The following SDK1 variants were observed in gnomAD, a reference collection of about 807,000 sequenced individuals.
The protein encoded by SDK1 is sidekick cell adhesion molecule 1, also known as protein sidekick-1.
SDK1 carries 157 observed loss-of-function variants against 245.5 expected under a neutral mutation model. That is an observed-to-expected ratio of 0.64 (90% CI 0.56 to 0.73). The LOEUF (loss-of-function observed/expected upper bound fraction) is 0.73, where lower values mean the gene tolerates loss of function less well. SDK1 is among the 30% of genes least tolerant of loss of function. The pLI, the probability that SDK1 is intolerant of heterozygous loss-of-function variation, is 0.00. For missense variants in SDK1, 3,583 were observed against 3,002.3 expected, an observed-to-expected ratio of 1.19 and a Z score of -4.52; for synonymous variants, 1,647 against 1,278.5, an observed-to-expected ratio of 1.29 and a Z score of -6.15.
chr7:3,595,779 G>C (rs1781035028), intron 1 of SDK1, among the ~76,000 whole-genome samples: 1 of 116,766 alleles, frequency 8.6e-6, no homozygotes, highest in African/African-American at 3.3e-5. Context: ...AGTGAGCCCA[G>C]ATAGTGCCAC....
At chr7:3,721,122 A>G (rs1307278317) in intron 4 of SDK1, among the ~76,000 whole-genome samples, 1 of 152,204 alleles carries the variant, frequency 6.6e-6, no homozygotes, top group Non-Finnish European at 1.5e-5. Context: ...GAGCAAGGGC[A>G]TGGGTGGGGC....
chr7:4,237,100 C>G (rs928727076), intron 41 of SDK1, among the ~76,000 whole-genome samples: 1 of 152,124 alleles, frequency 6.6e-6, no homozygotes, highest in Non-Finnish European at 1.5e-5. Context: ...CTATGTTGCC[C>G]AGGCTGGTCT....
intron 1 of SDK1, among the ~76,000 whole-genome samples, chr7:3,474,498 A>G (rs987994333): frequency 1.3e-5 from 2 of 151,938 alleles, no homozygotes; most frequent in Non-Finnish European, 2.9e-5. Context: ...CCTACCCTTG[A>G]CATGTTCATT....
At chr7:3,895,570 C>G (rs957167988) in intron 5 of SDK1, among the ~76,000 whole-genome samples, 3 of 152,220 alleles carry the variant, frequency 2.0e-5, no homozygotes, top group African/African-American at 7.2e-5. Flanking sequence ...ATGAGGAAGA[C>G]AAGAAGCAAC....
In SDK1 at chr7:3,569,025, T is replaced by G. The variant is rs140114074; in HGVS notation, c.299-50055T>G. ...GCATATGTTTTTTTTTTTTTTCTAG[T>G]AACTCATTACCATGAGTGGTTCTTG... On this transcript the variant is annotated intron_variant, in intron 1 of 44. Coordinates refer to ENST00000404826, the MANE Select transcript of SDK1 (RefSeq NM_152744.4). Among the ~76,000 whole-genome samples the G allele has an allele frequency of 8.8e-3, 1,315 of 150,278 alleles. 27 individuals carry two copies. The highest frequency in any genetic ancestry group is 0.03 in the African/African-American group (1,234 of 40,740).
At chr7:3,995,707 T>A (rs1784650223) in intron 14 of SDK1, among the ~76,000 whole-genome samples, 1 of 152,204 alleles carries the variant, frequency 6.6e-6, no homozygotes, top group Admixed American at 6.5e-5. Context: ...AGTTTGTGTT[T>A]CGACTGCTAG....
At chr7:3,617,985 G>A (rs974049376) in intron 1 of SDK1, among the ~76,000 whole-genome samples, 29 of 152,122 alleles carry the variant, frequency 1.9e-4, no homozygotes, top group African/African-American at 6.8e-4. Context: ...ATGAAAGTTA[G>A]AAAGCTGATT....
At chr7:3,601,874 G>C (rs1781265078) in intron 1 of SDK1, among the ~76,000 whole-genome samples, 2 of 135,566 alleles carry the variant, frequency 1.5e-5, no homozygotes, top group South Asian at 4.6e-4. Context: ...TCCCCTTCCT[G>C]TGTCCATGTG....
In SDK1 at chr7:3,882,645, G is replaced by A. The variant is rs73294609; in HGVS notation, c.847+61062G>A. ...GTGTAGAATGTAAATAGCATTGTTG[G>A]AGCGTGTTTCACCTCCTTCCATGAA... On this transcript the variant is annotated intron_variant, in intron 5 of 44. Transcript: ENST00000404826. 8.8e-3 allele frequency among the ~76,000 whole-genome samples: 1,335 copies of A among 152,182 alleles called. 19 individuals are homozygous for A. Among genetic ancestry groups the A allele is most frequent in the African/African-American group, 0.031 (1,276 of 41,510 alleles).
Position 3,324,517 on chromosome 7 carries a change from A to C in SDK1, c.298+22633A>C, listed in dbSNP as rs989765636. Among the ~76,000 whole-genome samples the C allele has an allele frequency of 1.2e-4, 18 of 152,238 alleles. 2 individuals carry two copies. The highest frequency in any genetic ancestry group is 8.5e-4 in the Admixed American group (13 of 15,294). On this transcript the variant is annotated intron_variant, in intron 1 of 44. Coordinates refer to ENST00000404826, the MANE Select transcript of SDK1 (RefSeq NM_152744.4). Reference sequence around the variant, plus strand: ...ATAAGAATAGGAGGTGGCTCTTGGAAGTTTGTTTGCTCCTGAGTATGGGAC... The same window carrying C: ...ATAAGAATAGGAGGTGGCTCTTGGACGTTTGTTTGCTCCTGAGTATGGGAC...
chr7:4,203,488 C>A (rs1180854136), intron 35 of SDK1, among the ~76,000 whole-genome samples: 12 of 151,760 alleles, frequency 7.9e-5, no homozygotes. Context: ...CCAGCAATTG[C>A]CGGTCTAAAA....
intron 28 of SDK1, among the ~76,000 whole-genome samples, chr7:4,139,901 C>A (rs1313414997): frequency 6.6e-6 from 1 of 152,100 alleles, no homozygotes; most frequent in Admixed American, 6.6e-5. Context: ...CAGGGAGAGT[C>A]CATCGATGGG....
In SDK1 at chr7:4,265,148, G is replaced by A. The variant is rs143917786; in HGVS notation, c.6406G>A (p.Ala2136Thr). The change falls in exon 45 of 45, where the codon GCG (alanine) becomes ACG (threonine). Residue 2136 changes from alanine (A) to threonine (T), a missense_variant. Transcript: ENST00000404826. The part of the protein sequence containing the change: ...SEATDSDYED[A>T]LPKHSFVNHY... ...GGCCACGGACTCTGACTACGAGGAC[G>A]CGCTGCCCAAGCACTCCTTCGTGAA... 279 of 1,612,218 alleles carry A rather than the reference G, an allele frequency of 1.7e-4. No individual in the cohort carries two copies. In the African/African-American group the frequency reaches 3.3e-3, roughly 19 times the overall value.
At chr7:3,564,977 TATA>T (rs1779864934) in intron 1 of SDK1, among the ~76,000 whole-genome samples, 1 of 151,868 alleles carries the variant, frequency 6.6e-6, no homozygotes, top group African/African-American at 2.4e-5. Context: ...CAGAAGGAGA[TATA>T]ATATAGGGGA....
chr7:3,633,164 T>C (rs1050699127), intron 2 of SDK1, among the ~76,000 whole-genome samples: 1 of 152,080 alleles, frequency 6.6e-6, no homozygotes, highest in African/African-American at 2.4e-5. Flanking sequence ...TCATGGAAAA[T>C]AGATATTTTC....
intron 4 of SDK1, among the ~76,000 whole-genome samples, chr7:3,761,379 C>T (rs574114053): frequency 3.7e-4 from 55 of 149,072 alleles, no homozygotes; most frequent in African/African-American, 1.3e-3. Context: ...ACGGTGAAAC[C>T]CCATCTCTAC....
chr7:4,083,314 G>A (rs114462548), intron 22 of SDK1, among the ~76,000 whole-genome samples: 1 of 151,538 alleles, frequency 6.6e-6, no homozygotes, highest in East Asian at 2.0e-4. Context: ...TGTCACTATA[G>A]GTTACAGCTC....
intron 4 of SDK1, among the ~76,000 whole-genome samples, chr7:3,667,104 T>G (rs1383758667): frequency 6.6e-6 from 1 of 152,228 alleles, no homozygotes; most frequent in Non-Finnish European, 1.5e-5. Flanking sequence ...CCCAATGAAT[T>G]GTGACATATT....
At chr7:3,977,727 C>G (rs568234262) in intron 13 of SDK1, among the ~76,000 whole-genome samples, 1 of 152,254 alleles carries the variant, frequency 6.6e-6, no homozygotes, top group Non-Finnish European at 1.5e-5. Context: ...AGAGGACGAC[C>G]ATATCTTCAT....
Sources: gnomAD v4.1 joint callset for allele counts (sites outside exome capture counted in the v4.1 genomes callset) on GRCh38, gnomAD v4.1.1 for gene constraint, MANE v1.5 for transcripts, NCBI Gene and HGNC (gene_info 2026-07-23, HGNC 2026-07-21) for gene names.